Variants in SIL1 observed in about 807,000 individuals in gnomAD.
SIL1 encodes SIL1 nucleotide exchange factor.
A neutral mutation model predicts 49.1 loss-of-function variants in SIL1; 40 were observed. That is an observed-to-expected ratio of 0.81 (90% CI 0.63 to 1.06). The LOEUF (loss-of-function observed/expected upper bound fraction) is 1.06, where lower values mean the gene tolerates loss of function less well. Ranked by LOEUF, SIL1 falls within the 50% of genes least tolerant of loss-of-function variation. The pLI is 0.00. For synonymous variants in SIL1, 253 were observed against 250.8 expected, an observed-to-expected ratio of 1.01 and a Z score of -0.08; for missense variants, 500 against 572.6, an observed-to-expected ratio of 0.87 and a Z score of 1.29.
intron 1 of SIL1, among the ~76,000 whole-genome samples, chr5:139,164,012 G>A (rs1024895746): frequency 2.6e-5 from 4 of 151,816 alleles, no homozygotes; most frequent in South Asian, 2.1e-4. Flanking sequence ...CCAGCTACTC[G>A]GGAGGCTAAG....
At chr5:139,019,603 A>C (rs1768472378) in intron 7 of SIL1, among the ~76,000 whole-genome samples, 1 of 152,180 alleles carries the variant, frequency 6.6e-6, no homozygotes, top group African/African-American at 2.4e-5. Flanking sequence ...AGTCTTAATA[A>C]CACCACACAT....
chr5:138,972,389 G>C (rs1561810759), intron 7 of SIL1, among the ~76,000 whole-genome samples: 1 of 152,328 alleles, frequency 6.6e-6, no homozygotes. Context: ...TGAAGGTCTG[G>C]TTCAACGCAG....
At chr5:139,046,151 A>C (rs544334173) in intron 4 of SIL1, among the ~76,000 whole-genome samples, 1 of 152,112 alleles carries the variant, frequency 6.6e-6, no homozygotes, top group Non-Finnish European at 1.5e-5. Flanking sequence ...ACATGGTGAA[A>C]CTCCGTCTCT....
intron 1 of SIL1, among the ~76,000 whole-genome samples, chr5:139,143,344 C>CACACATAT (rs1451727500): frequency 5.1e-5 from 5 of 97,530 alleles, no homozygotes; most frequent in African/African-American, 2.7e-4. Context: ...CACACACACA[C>CACACATAT]ATATATATAT....
chr5:139,173,260 A>C (rs918559756), intron 1 of SIL1, among the ~76,000 whole-genome samples: 3 of 152,192 alleles, frequency 2.0e-5, no homozygotes, highest in Non-Finnish European at 4.4e-5. Context: ...ATACACCAAA[A>C]AAAATGAGGG....
chr5:139,189,356 C>T (rs1282493309), intron 1 of SIL1, among the ~76,000 whole-genome samples: 1 of 152,180 alleles, frequency 6.6e-6, no homozygotes, highest in Non-Finnish European at 1.5e-5. Context: ...CTATTGTGAA[C>T]TGTGCATGCA....
Position 139,145,906 on chromosome 5 carries a change from T to A in SIL1, c.-10-18053A>T, listed in dbSNP as rs1032035480. Among the ~76,000 whole-genome samples, 404 of 141,708 alleles carry A rather than the reference T, an allele frequency of 2.9e-3. 1 individual carries two copies. Among genetic ancestry groups the A allele is most frequent in the African/African-American group, 8.8e-3 (342 of 38,662 alleles). The allele number at this position is 141,708 out of a possible 152,430, so 93.0% of individuals were successfully genotyped here. On this transcript the variant is annotated intron_variant, in intron 1 of 9. Coordinates refer to ENST00000394817, the MANE Select transcript of SIL1 (RefSeq NM_022464.5). The stretch of plus-strand genomic sequence containing the variant: ...AGACCTCTATCTCTTAAAAAATAAA[T>A]AAAAAAAAAAATAAAGAGGCATCAT...
intron 3 of SIL1, among the ~76,000 whole-genome samples, chr5:139,079,106 T>C (rs1770015283): frequency 1.3e-5 from 2 of 152,212 alleles, no homozygotes; most frequent in Admixed American, 1.3e-4. Flanking sequence ...CAGAAGTAGA[T>C]CTTCATTTCA....
At chr5:139,163,887 G>A (rs1466305902) in intron 1 of SIL1, among the ~76,000 whole-genome samples, 1 of 151,930 alleles carries the variant, frequency 6.6e-6, no homozygotes, top group Non-Finnish European at 1.5e-5. Flanking sequence ...TGGGAGGCTG[G>A]GCGGGCAGAT....
At chr5:139,051,698 A>C (rs1769289323) in intron 3 of SIL1, among the ~76,000 whole-genome samples, 1 of 152,254 alleles carries the variant, frequency 6.6e-6, no homozygotes, top group Non-Finnish European at 1.5e-5. Flanking sequence ...GGACAGAGCA[A>C]GCCAAGGAGG....
At chr5:138,958,781 GGATGTTCAACCT>G (rs1160489292) in intron 7 of SIL1, among the ~76,000 whole-genome samples, 3 of 151,598 alleles carry the variant, frequency 2.0e-5, no homozygotes, top group Admixed American at 6.6e-5. Flanking sequence ...CTCAGATAAG[GGATGTTCAACCT>G]GTACCATGAT....
At chr5:139,112,106 C>A (rs548698020) in intron 3 of SIL1, among the ~76,000 whole-genome samples, 2 of 152,236 alleles carry the variant, frequency 1.3e-5, no homozygotes, top group South Asian at 2.1e-4. Flanking sequence ...CTCGGCCTCC[C>A]GAGGTGCCGG....
chr5:139,004,472 C>T (rs530823610), intron 7 of SIL1, among the ~76,000 whole-genome samples: 1 of 152,134 alleles, frequency 6.6e-6, no homozygotes. Context: ...GAGGTTTATT[C>T]TCTTTATTCT....
chr5:139,001,732 C>A (rs985393514), intron 7 of SIL1, among the ~76,000 whole-genome samples: 1 of 152,112 alleles, frequency 6.6e-6, no homozygotes, highest in Non-Finnish European at 1.5e-5. Flanking sequence ...TAGTGAAACC[C>A]CGTCTCTACT....
intron 1 of SIL1, among the ~76,000 whole-genome samples, chr5:139,161,744 C>T (rs758447864): frequency 1.5e-4 from 23 of 152,156 alleles, no homozygotes; most frequent in Middle Eastern, 3.4e-3. Context: ...TGGCCAGGTG[C>T]GGTGGCTCAT....
At chr5:139,119,715 C>T (rs569539924) in intron 3 of SIL1, among the ~76,000 whole-genome samples, 103 of 152,156 alleles carry the variant, frequency 6.8e-4, no homozygotes, top group Admixed American at 9.2e-4. Context: ...GAGCCAAGAT[C>T]GCAACATGGC....
chr5:139,166,263 G>T (rs1162718513), intron 1 of SIL1, among the ~76,000 whole-genome samples: 1 of 152,160 alleles, frequency 6.6e-6, no homozygotes, highest in African/African-American at 2.4e-5. Flanking sequence ...CCACTTATAC[G>T]ACAGTGGTCT....
intron 7 of SIL1, among the ~76,000 whole-genome samples, chr5:138,969,723 T>C (rs1415967332): frequency 6.6e-6 from 1 of 152,240 alleles, no homozygotes; most frequent in Non-Finnish European, 1.5e-5. Context: ...CGCAGTGGCA[T>C]AATGTAGCAT....
chr5:139,030,298 G>A (rs577630945), intron 5 of SIL1, among the ~76,000 whole-genome samples: 1 of 152,072 alleles, frequency 6.6e-6, no homozygotes, highest in South Asian at 2.1e-4. Flanking sequence ...GGTGAAATTA[G>A]AGAGAAGATG....
Sources: allele counts gnomAD v4.1 joint callset (sites outside exome capture counted in the v4.1 genomes callset), GRCh38; gene constraint gnomAD v4.1.1; transcripts MANE v1.5; gene names NCBI Gene and HGNC (gene_info 2026-07-23, HGNC 2026-07-21).